Variants in RAB11A observed in about 807,000 individuals in gnomAD.
RAB11A encodes the protein ras-related protein Rab-11A.
Under a neutral mutation model 28.0 loss-of-function variants are expected in RAB11A, and 9 were observed. The observed-to-expected ratio is 0.32, with a 90% confidence interval of 0.19 to 0.56. RAB11A has a LOEUF of 0.56. Ranked by LOEUF, RAB11A falls within the 20% of genes least tolerant of loss-of-function variation. The pLI, the probability that RAB11A is intolerant of heterozygous loss-of-function variation, is 0.91. For missense variants in RAB11A, 108 were observed against 269.6 expected (o/e 0.40, Z 4.20); for synonymous variants, 85 against 88.2 (o/e 0.96, Z 0.20).
Position 65,887,813 on chromosome 15 carries a change from A to G in RAB11A, c.624A>G (p.Pro208=). ...TTCCACCAACCACTGAAAACAAGCC[A>G]AAGGTGCAGTGCTGTCAGAACATCT... ...IHVPPTTENK[P]KVQCCQNI is the part of the protein sequence containing the mutation. Residue 208 remains proline (P), a synonymous_variant, in exon 5 of 5, where the codon CCA becomes CCG. Coordinates refer to ENST00000261890, the MANE Select transcript of RAB11A (RefSeq NM_004663.5). 6.2e-7 allele frequency: 1 copy of G among 1,613,116 alleles called. No homozygotes were observed. The highest frequency in any genetic ancestry group is 8.5e-7 in the Non-Finnish European group (1 of 1,179,606).
At chr15:65,887,391 T>C (rs1371995077) in intron 4 of RAB11A, among the ~76,000 whole-genome samples, 1 of 152,204 alleles carries the variant, frequency 6.6e-6, no homozygotes, top group African/African-American at 2.4e-5. Flanking sequence ...CAGGCTGGTC[T>C]TGAACTCCTG....
chr15:65,878,134 A>G (rs2078200213), intron 3 of RAB11A, 179 bp downstream of exon 3: 7 of 692,194 alleles, frequency 1.0e-5, no homozygotes, highest in Non-Finnish European at 1.8e-5. Context: ...TAAAACACTA[A>G]TATTTTGCTG....
At position 65,889,098 on chromosome 15, in the gene RAB11A, A is replaced by G. The variant is rs1301817679; in HGVS notation, c.*1258A>G. 6.5e-6 allele frequency: 1 copy of G among 152,680 alleles called. No homozygotes were observed. Among genetic ancestry groups the G allele is most frequent in the Non-Finnish European group, 1.5e-5 (1 of 68,054 alleles). The allele number at this position is 152,680 out of a possible 1,614,324, so 9.5% of individuals were successfully genotyped here. On this transcript the variant is annotated 3_prime_UTR_variant, in exon 5 of 5. Transcript: ENST00000261890. ...TTTTGCTTTCTCGTGGATAATATTA[A>G]GCACTTACTCTGCAGTTTCCTGGAA... is the stretch of plus-strand genomic sequence containing the variant.
intron 4 of RAB11A, among the ~76,000 whole-genome samples, chr15:65,885,792 C>T (rs975254734): frequency 1.3e-5 from 2 of 152,218 alleles, no homozygotes; most frequent in Non-Finnish European, 2.9e-5. Flanking sequence ...AATTTATTAA[C>T]ATGTACACTG....
chr15:65,880,897 T>G (rs1339679180), intron 4 of RAB11A, among the ~76,000 whole-genome samples: 1 of 152,204 alleles, frequency 6.6e-6, no homozygotes, highest in Admixed American at 6.5e-5. Flanking sequence ...ACTTGACTTT[T>G]GTGACCTAAA....
intron 4 of RAB11A, among the ~76,000 whole-genome samples, chr15:65,885,343 G>A (rs899533526): frequency 6.6e-6 from 1 of 151,824 alleles, no homozygotes; most frequent in South Asian, 2.1e-4. Context: ...TGCCAAGATG[G>A]TCTTGATCTC....
chr15:65,887,249 C>T (rs11634240), intron 4 of RAB11A, among the ~76,000 whole-genome samples: 11,003 of 151,676 alleles, frequency 0.073, 522 homozygotes, highest in Non-Finnish European at 0.099. Context: ...TCTCATCTCA[C>T]GACAACCTCC....
intron 1 of RAB11A, among the ~76,000 whole-genome samples, chr15:65,873,868 G>A (rs749018686): frequency 2.6e-5 from 4 of 152,058 alleles, no homozygotes; most frequent in Non-Finnish European, 5.9e-5. Flanking sequence ...GAGATTACAG[G>A]CATGAGCCAC....
Position 65,869,493 on chromosome 15 carries a change from T to C in RAB11A, c.-93T>C, listed in dbSNP as rs2078144211. 4.6e-6 allele frequency: 7 copies of C among 1,532,956 alleles called. No individual in the cohort carries two copies. Among genetic ancestry groups the C allele is most frequent in the Admixed American group, 1.9e-5 (1 of 53,704 alleles). 95.0% of individuals were successfully genotyped at this position (1,532,956 alleles called of 1,614,324 possible). A position where few individuals can be genotyped will look rare whatever the true frequency, so the allele number is the denominator to read the frequency against. On this transcript the variant is annotated 5_prime_UTR_variant, in exon 1 of 5. Transcript: ENST00000261890. ...AGGGGCTCTTCACCCAGTCCGGCAG[T>C]TGAAGCTCGGCGCTCGGGTTACCCC...
intron 4 of RAB11A, among the ~76,000 whole-genome samples, chr15:65,880,659 T>A (rs956671543): frequency 6.6e-6 from 1 of 152,188 alleles, no homozygotes; most frequent in Admixed American, 6.5e-5. Context: ...TTATCTTCTT[T>A]TACTGTAAAA....
At chr15:65,875,714 T>TGGAC (rs753182485) in intron 1 of RAB11A, among the ~76,000 whole-genome samples, 1 of 152,242 alleles carries the variant, frequency 6.6e-6, no homozygotes, top group East Asian at 1.9e-4. Context: ...TGTCCAAGAC[T>TGGAC]GTCCAGAGGC....
At chr15:65,883,290 C>T (rs1366840728) in intron 4 of RAB11A, among the ~76,000 whole-genome samples, 4 of 152,174 alleles carry the variant, frequency 2.6e-5, no homozygotes, top group Non-Finnish European at 5.9e-5. Context: ...CCTCTAATCT[C>T]GAACAGTTCC....
At position 65,869,514 on chromosome 15, in the gene RAB11A, A is replaced by AC; in HGVS notation, c.-68dup. The AC allele has an allele frequency of 6.4e-6, 10 of 1,567,214 alleles. No individual in the cohort carries two copies. The highest frequency in any genetic ancestry group is 8.6e-6 in the Non-Finnish European group (10 of 1,157,086). On this transcript the variant is annotated 5_prime_UTR_variant, in exon 1 of 5. Coordinates refer to ENST00000261890, the MANE Select transcript of RAB11A (RefSeq NM_004663.5). ...GCAGTTGAAGCTCGGCGCTCGGGTT[A>AC]CCCCTGCAGCGACGCCCCCTGGTCC...
intron 4 of RAB11A, among the ~76,000 whole-genome samples, chr15:65,880,976 CT>C (rs2141105800): frequency 1.3e-5 from 2 of 152,276 alleles, no homozygotes; most frequent in Admixed American, 1.3e-4. Flanking sequence ...AAATGAGTAC[CT>C]GTAAAGTACC....
chr15:65,879,596 C>A, intron 3 of RAB11A, 75 bp from the exon 4 acceptor site: 1 of 1,137,422 alleles, frequency 8.8e-7, no homozygotes, highest in African/African-American at 1.6e-5. Context: ...TGTTATTTTT[C>A]CTTTTGAGGG....
chr15:65,889,076 TG>T lies in RAB11A; in HGVS notation c.*1237del, dbSNP rs1301368857. 1 of 152,686 alleles carries T rather than the reference TG, an allele frequency of 6.5e-6. No homozygotes were observed. Among genetic ancestry groups the T allele is most frequent in the East Asian group, 1.9e-4 (1 of 5,202 alleles). 9.5% of individuals were successfully genotyped at this position (152,686 alleles called of 1,614,324 possible). On this transcript the variant is annotated 3_prime_UTR_variant, in exon 5 of 5. Transcript: ENST00000261890. ...AAATGTGCACACTAATATTTAGTTT[TG>T]CTTTCTCGTGGATAATATTAAGCAC...
intron 4 of RAB11A, among the ~76,000 whole-genome samples, chr15:65,881,444 C>T (rs2078222017): frequency 6.6e-6 from 1 of 152,152 alleles, no homozygotes; most frequent in African/African-American, 2.4e-5. Flanking sequence ...AATTAAATTA[C>T]CTTAAAGATG....
intron 4 of RAB11A, among the ~76,000 whole-genome samples, chr15:65,883,677 C>A (rs115642222): frequency 6.6e-6 from 1 of 152,030 alleles, no homozygotes; most frequent in Non-Finnish European, 1.5e-5. Context: ...GTCTCAGCCT[C>A]CCGGGTAGCT....
rs114157581 is a variant in RAB11A at position 65,883,742 on chromosome 15, C to G, written c.512-3959C>G. Among the ~76,000 whole-genome samples the G allele has an allele frequency of 9.3e-3, 1,406 of 151,982 alleles. 20 individuals carry two copies. Among genetic ancestry groups the G allele is most frequent in the African/African-American group, 0.031 (1,303 of 41,444 alleles). On this transcript the variant is annotated intron_variant, in intron 4 of 4. Coordinates refer to ENST00000261890, the MANE Select transcript of RAB11A (RefSeq NM_004663.5). Reference sequence around the variant, plus strand: ...CTAATTTTGTATTTTAAGTAGAGACCGGTTTTACCATGTTGGCCAGGCTGG... The same window carrying G: ...CTAATTTTGTATTTTAAGTAGAGACGGGTTTTACCATGTTGGCCAGGCTGG...
Sources: allele counts gnomAD v4.1 joint callset (sites outside exome capture counted in the v4.1 genomes callset), GRCh38; gene constraint gnomAD v4.1.1; transcripts MANE v1.5; gene names NCBI Gene and HGNC (gene_info 2026-07-23, HGNC 2026-07-21).